Variants in PLCL1 observed in about 807,000 individuals in gnomAD.
PLCL1 encodes the protein inactive phospholipase C-like protein 1.
PLCL1 carries 41 observed loss-of-function variants against 84.4 expected under a neutral mutation model. The observed-to-expected ratio is 0.49, with a 90% CI of 0.38 to 0.63. PLCL1 has a LOEUF of 0.63. Among genes scored for constraint, PLCL1 ranks in the 30% least tolerant of loss-of-function variants. The pLI is 0.00. For synonymous variants in PLCL1, 490 were observed against 488.3 expected (o/e 1.00, Z -0.05); for missense variants, 1,206 against 1,367.8 (o/e 0.88, Z 1.87).
At chr2:198,100,351 T>C (rs1693300970) in intron 3 of PLCL1, among the ~76,000 whole-genome samples, 1 of 151,802 alleles carries the variant, frequency 6.6e-6, no homozygotes, top group Non-Finnish European at 1.5e-5. Context: ...ATAGAATGTT[T>C]TGGGAATATG....
chr2:197,967,279 C>T (rs1014860059), intron 1 of PLCL1, among the ~76,000 whole-genome samples: 1 of 152,150 alleles, frequency 6.6e-6, no homozygotes, highest in African/African-American at 2.4e-5. Flanking sequence ...TCACTGCAAC[C>T]TCCGCCTCTC....
At chr2:197,960,944 GT>G (rs1689608430) in intron 1 of PLCL1, among the ~76,000 whole-genome samples, 2 of 151,754 alleles carry the variant, frequency 1.3e-5, no homozygotes, top group African/African-American at 4.8e-5. Flanking sequence ...TTGGCAAATA[GT>G]ATTCGATTAT....
intron 1 of PLCL1, among the ~76,000 whole-genome samples, chr2:197,819,883 C>CGT (rs1559014991): frequency 8.2e-5 from 11 of 134,468 alleles, no homozygotes; most frequent in African/African-American, 2.8e-4. Context: ...CACTATTATG[C>CGT]ATGTGTGTGT....
intron 5 of PLCL1, among the ~76,000 whole-genome samples, chr2:198,106,148 G>T (rs913227360): frequency 1.3e-5 from 2 of 151,920 alleles, no homozygotes; most frequent in African/African-American, 4.8e-5. Context: ...TTGGAAGTCT[G>T]TGTATATTTC....
intron 1 of PLCL1, among the ~76,000 whole-genome samples, chr2:197,954,527 A>G (rs1296563196): frequency 6.6e-6 from 1 of 152,056 alleles, no homozygotes; most frequent in Non-Finnish European, 1.5e-5. Flanking sequence ...TTCATGAGCA[A>G]GCATCATAGT....
chr2:197,862,570 G>A (rs1041561662), intron 1 of PLCL1, among the ~76,000 whole-genome samples: 1 of 152,144 alleles, frequency 6.6e-6, no homozygotes, highest in Non-Finnish European at 1.5e-5. Context: ...TGAAGACCCA[G>A]TTTTTCTTTC....
At chr2:198,137,126 T>A (rs1484782722) in intron 5 of PLCL1, among the ~76,000 whole-genome samples, 1 of 152,108 alleles carries the variant, frequency 6.6e-6, no homozygotes, top group Admixed American at 6.5e-5. Flanking sequence ...TCATGTAATG[T>A]ACCTAAATTA....
chr2:197,916,711 G>A lies in PLCL1; in HGVS notation c.240+111372G>A, dbSNP rs183769067. On this transcript the variant is annotated intron_variant, in intron 1 of 5. Transcript: ENST00000428675. Reference sequence around the variant, plus strand: ...GATACTGCCCAAAAATAAGAGTGAAGGGAAAATCAAAGATGGACTCTGATG... The same window carrying A: ...GATACTGCCCAAAAATAAGAGTGAAAGGAAAATCAAAGATGGACTCTGATG... Among the ~76,000 whole-genome samples, 23 of 151,732 alleles carry A rather than the reference G, an allele frequency of 1.5e-4. No homozygotes were observed. The Middle Eastern group carries it at 0.01, about 67-fold the overall frequency.
At chr2:198,097,044 C>A (rs1327996095) in intron 3 of PLCL1, among the ~76,000 whole-genome samples, 1 of 152,284 alleles carries the variant, frequency 6.6e-6, no homozygotes, top group East Asian at 1.9e-4. Context: ...TAGTCTCATT[C>A]CATCACTGTC....
At chr2:197,945,563 G>A (rs1246590458) in intron 1 of PLCL1, among the ~76,000 whole-genome samples, 1 of 152,168 alleles carries the variant, frequency 6.6e-6, no homozygotes, top group African/African-American at 2.4e-5. Context: ...TAGTGGTGAA[G>A]GCATGGGATG....
intron 1 of PLCL1, among the ~76,000 whole-genome samples, chr2:197,950,242 T>A (rs994806506): frequency 2.0e-5 from 3 of 152,066 alleles, no homozygotes; most frequent in Non-Finnish European, 4.4e-5. Flanking sequence ...AGAGTGTCCT[T>A]TGTTTGACTT....
chr2:198,073,451 G>T (rs916744760), intron 1 of PLCL1, among the ~76,000 whole-genome samples: 1 of 152,136 alleles, frequency 6.6e-6, no homozygotes, highest in Non-Finnish European at 1.5e-5. Flanking sequence ...AACCCATTCC[G>T]GAAGTTATGG....
chr2:198,139,972 C>T (rs2105944578), intron 5 of PLCL1, among the ~76,000 whole-genome samples: 2 of 151,870 alleles, frequency 1.3e-5, no homozygotes, highest in East Asian at 3.9e-4. Context: ...CATGCTCTGT[C>T]ACCCAGGCTG....
At chr2:197,880,735 G>A (rs767496079) in intron 1 of PLCL1, among the ~76,000 whole-genome samples, 1 of 152,096 alleles carries the variant, frequency 6.6e-6, no homozygotes, top group South Asian at 2.1e-4. Flanking sequence ...CTCACTGAAG[G>A]TTCTTTATAA....
At chr2:197,858,571 T>C (rs1687374224) in intron 1 of PLCL1, among the ~76,000 whole-genome samples, 1 of 152,240 alleles carries the variant, frequency 6.6e-6, no homozygotes, top group Admixed American at 6.5e-5. Flanking sequence ...TGTGTACTAT[T>C]TTTCCTAATG....
chr2:198,069,659 C>A (rs1692416492), intron 1 of PLCL1, among the ~76,000 whole-genome samples: 3 of 152,028 alleles, frequency 2.0e-5, no homozygotes, highest in South Asian at 4.1e-4. Flanking sequence ...GGTAATTGAG[C>A]AGATTTAGTT....
At chr2:197,881,359 T>C (rs1275956464) in intron 1 of PLCL1, among the ~76,000 whole-genome samples, 1 of 152,178 alleles carries the variant, frequency 6.6e-6, no homozygotes, top group Non-Finnish European at 1.5e-5. Context: ...GACAGCCCTC[T>C]TAGTTTTGTG....
chr2:197,822,701 G>A (rs1690843345), intron 1 of PLCL1, among the ~76,000 whole-genome samples: 1 of 152,206 alleles, frequency 6.6e-6, no homozygotes, highest in Admixed American at 6.5e-5. Context: ...TGATTTGTCA[G>A]TGTTTCATTT....
chr2:197,921,698 C>T (rs1175114981), intron 1 of PLCL1, among the ~76,000 whole-genome samples: 1 of 152,116 alleles, frequency 6.6e-6, no homozygotes, highest in African/African-American at 2.4e-5. Context: ...TTGATCACAC[C>T]GTCTCTCTCA....
Sources: allele counts gnomAD v4.1 joint callset (sites outside exome capture counted in the v4.1 genomes callset), GRCh38; gene constraint gnomAD v4.1.1; transcripts MANE v1.5; gene names NCBI Gene and HGNC (gene_info 2026-07-23, HGNC 2026-07-21).